MCUB: variants seen among roughly 807,000 people sequenced by gnomAD.
The protein encoded by MCUB is calcium uniporter regulatory subunit MCUb, mitochondrial.
In MCUB, 46 loss-of-function variants were observed where a neutral mutation model predicts 41.4. The observed-to-expected ratio is 1.11, with a 90% confidence interval of 0.88 to 1.42. MCUB has a LOEUF of 1.42. MCUB is among the 40% of genes most tolerant of loss of function. The pLI is 0.00. For synonymous variants in MCUB, 148 were observed against 148.2 expected, an observed-to-expected ratio of 1.00 and a Z score of 0.01; for missense variants, 403 against 404.9, an observed-to-expected ratio of 1.00 and a Z score of 0.04.
At chr4:109,599,827 G>A (rs942578765) in intron 1 of MCUB, among the ~76,000 whole-genome samples, 1 of 151,840 alleles carries the variant, frequency 6.6e-6, no homozygotes, top group Admixed American at 6.6e-5. Flanking sequence ...TACCACCATA[G>A]CCAGCTAATT....
At chr4:109,606,859 G>A (rs1727883501) in intron 1 of MCUB, among the ~76,000 whole-genome samples, 1 of 152,032 alleles carries the variant, frequency 6.6e-6, no homozygotes, top group Admixed American at 6.5e-5. Flanking sequence ...CAATTCTCCT[G>A]CCTCAGCCTC....
chr4:109,629,573 A>AC (rs753505857), intron 1 of MCUB, among the ~76,000 whole-genome samples: 1 of 152,194 alleles, frequency 6.6e-6, no homozygotes, highest in Non-Finnish European at 1.5e-5. Context: ...CTGCTGACTG[A>AC]CTATAAATCA....
intron 4 of MCUB, among the ~76,000 whole-genome samples, chr4:109,674,580 T>A (rs1729532700): frequency 6.6e-6 from 1 of 152,236 alleles, no homozygotes; most frequent in African/African-American, 2.4e-5. Flanking sequence ...AAAAAGTGCA[T>A]GGAATATAAT....
chr4:109,648,209 C>A (rs1000567457), intron 1 of MCUB, among the ~76,000 whole-genome samples: 1 of 118,928 alleles, frequency 8.4e-6, no homozygotes, highest in Non-Finnish European at 1.7e-5. Flanking sequence ...AATGTCCTGT[C>A]GAAATGGAAG....
At position 109,657,266 on chromosome 4, in the gene MCUB, T is replaced by C. The variant is rs115031019; in HGVS notation, c.100-1745T>C. Among the ~76,000 whole-genome samples the C allele has an allele frequency of 4.5e-3, 680 of 151,680 alleles. 1 individual carries two copies. Among genetic ancestry groups the C allele is most frequent in the Non-Finnish European group, 7.5e-3 (508 of 67,888 alleles). On this transcript the variant is annotated intron_variant, in intron 1 of 7. Transcript: ENST00000394650. Reference sequence around the variant, plus strand: ...AGAAAGCTCAAATGAACAGTCTTAATGTAAAAGATGATGTTGTGTTGACAT... The same window carrying C: ...AGAAAGCTCAAATGAACAGTCTTAACGTAAAAGATGATGTTGTGTTGACAT...
chr4:109,607,340 C>T (rs1004813278), intron 1 of MCUB, among the ~76,000 whole-genome samples: 11 of 152,120 alleles, frequency 7.2e-5, no homozygotes, highest in African/African-American at 2.7e-4. Flanking sequence ...GTCTCAGCTT[C>T]CTGAATAGCT....
chr4:109,576,782 C>T (rs1212619752), intron 1 of MCUB, among the ~76,000 whole-genome samples: 1 of 152,064 alleles, frequency 6.6e-6, no homozygotes, highest in Non-Finnish European at 1.5e-5. Flanking sequence ...TATTGATGGG[C>T]AAGATGAAGG....
intron 1 of MCUB, among the ~76,000 whole-genome samples, chr4:109,621,083 T>G (rs962107240): frequency 4.6e-5 from 7 of 152,192 alleles, no homozygotes; most frequent in African/African-American, 1.7e-4. Flanking sequence ...ATTTTTTTAG[T>G]ACAGACGGGG....
chr4:109,657,817 A>C (rs1163334140), intron 1 of MCUB, among the ~76,000 whole-genome samples: 1 of 152,274 alleles, frequency 6.6e-6, no homozygotes, highest in Non-Finnish European at 1.5e-5. Context: ...TGAGGTGGCC[A>C]TTCAGATGTT....
At chr4:109,574,383 T>A (rs545847796) in intron 1 of MCUB, among the ~76,000 whole-genome samples, 1 of 152,248 alleles carries the variant, frequency 6.6e-6, no homozygotes, top group Admixed American at 6.5e-5. Flanking sequence ...TCTTGAAGTG[T>A]AGGACTCCCA....
chr4:109,614,496 G>A (rs778574478), intron 1 of MCUB, among the ~76,000 whole-genome samples: 2 of 151,758 alleles, frequency 1.3e-5, no homozygotes. Context: ...CATAGAATAA[G>A]ATAGCCATTT....
At chr4:109,648,512 G>A (rs1467866882) in intron 1 of MCUB, 1 of 368,352 alleles carries the variant, frequency 2.7e-6, no homozygotes, top group South Asian at 2.1e-5. Context: ...ACTCGTCTTG[G>A]GCTGTCCAGA....
intron 1 of MCUB, among the ~76,000 whole-genome samples, chr4:109,593,880 T>C (rs1389329272): frequency 6.6e-6 from 1 of 152,250 alleles, no homozygotes; most frequent in Non-Finnish European, 1.5e-5. Context: ...ATCATAGATA[T>C]GAAGTCAATG....
chr4:109,597,168 A>G (rs1202252977), intron 1 of MCUB, among the ~76,000 whole-genome samples: 23 of 151,848 alleles, frequency 1.5e-4, no homozygotes, highest in Admixed American at 7.2e-4. Flanking sequence ...CGATTTCTCA[A>G]TCTTTTCCCC....
chr4:109,684,681 C>T (rs757276807), intron 6 of MCUB, 35 bp downstream of exon 6: 2 of 993,066 alleles, frequency 2.0e-6, no homozygotes, highest in Non-Finnish European at 3.2e-6. Flanking sequence ...TAAGTTAGAA[C>T]ATCTTTGCAA....
intron 1 of MCUB, among the ~76,000 whole-genome samples, chr4:109,604,602 A>G (rs915485187): frequency 2.0e-5 from 3 of 152,162 alleles, no homozygotes; most frequent in Non-Finnish European, 2.9e-5. Context: ...TTCCAGATCC[A>G]GGAAAGGCTT....
intron 1 of MCUB, among the ~76,000 whole-genome samples, chr4:109,647,346 C>G (rs60916792): frequency 0.57 from 86,616 of 152,012 alleles, 24,857 homozygotes; most frequent in South Asian, 0.67. Context: ...TCATCCCTGT[C>G]TTTCCCATAA....
chr4:109,578,114 T>G (rs914902114), intron 1 of MCUB, among the ~76,000 whole-genome samples: 9 of 152,196 alleles, frequency 5.9e-5, no homozygotes, highest in African/African-American at 2.2e-4. Flanking sequence ...GTATCGTATC[T>G]GTAGCAAAAT....
chr4:109,627,184 A>G (rs1320219923), intron 1 of MCUB, among the ~76,000 whole-genome samples: 1 of 151,994 alleles, frequency 6.6e-6, no homozygotes, highest in Non-Finnish European at 1.5e-5. Context: ...TCCTCAATAT[A>G]CTTTATGCCC....
Sources: allele counts gnomAD v4.1 joint callset (sites outside exome capture counted in the v4.1 genomes callset), GRCh38; gene constraint gnomAD v4.1.1; transcripts MANE v1.5; gene names NCBI Gene and HGNC (gene_info 2026-07-23, HGNC 2026-07-21).